The following FKBP9 variants were observed in gnomAD, a reference collection of about 807,000 sequenced individuals.
FKBP9 encodes peptidyl-prolyl cis-trans isomerase FKBP9.
A neutral mutation model predicts 55.6 loss-of-function variants in FKBP9; 27 were observed. That is an observed-to-expected ratio of 0.49 (90% confidence interval 0.36 to 0.67). FKBP9 has a LOEUF of 0.67. Among genes scored for constraint, FKBP9 ranks in the 30% least tolerant of loss-of-function variants. The pLI is 0.00. For missense variants in FKBP9, 539 were observed against 742.8 expected (o/e 0.73, Z 3.19); for synonymous variants, 267 against 296.5 (o/e 0.90, Z 1.02).
chr7:32,985,008 T>G (rs1223489612), intron 5 of FKBP9, among the ~76,000 whole-genome samples: 2 of 152,136 alleles, frequency 1.3e-5, no homozygotes, highest in Non-Finnish European at 2.9e-5. Flanking sequence ...GAGGGCATTC[T>G]TTTTCTTTTT....
intron 7 of FKBP9, among the ~76,000 whole-genome samples, chr7:32,996,648 TCCTTCCTTCCTTGCTCCCTCCCTC>T: frequency 6.8e-6 from 1 of 147,646 alleles, no homozygotes; most frequent in African/African-American, 2.5e-5. Context: ...CTTCCTTCCT[TCCTTCCTTCCTTGCTCCCTCCCTC>T]CCTCCCTTCC....
At position 32,975,459 on chromosome 7, in the gene FKBP9, G is replaced by T. The variant is rs191793210; in HGVS notation, c.557+88G>T. 4 of 1,055,822 alleles carry T rather than the reference G, an allele frequency of 3.8e-6. No homozygotes were observed. The East Asian group carries it at 7.4e-5, about 19-fold the overall frequency. 65.4% of individuals were successfully genotyped at this position (1,055,822 alleles called of 1,614,324 possible). A position where few individuals can be genotyped will look rare whatever the true frequency, so the allele number is the denominator to read the frequency against. The stretch of plus-strand genomic sequence containing the variant: ...CTTACTTGCTTTTTATGCTGATGGG[G>T]ATACCAGAATAAGGACTCTTCTCAA... On this transcript the variant is annotated intron_variant, in intron 3 of 9. Transcript: ENST00000242209.
chr7:33,003,615 G>A (rs1784973224), intron 9 of FKBP9, among the ~76,000 whole-genome samples: 2 of 152,118 alleles, frequency 1.3e-5, no homozygotes, highest in South Asian at 2.1e-4. Context: ...AATGTCTTCC[G>A]TATCGCGGAA....
At chr7:32,994,056 AT>A (rs752142774) in intron 6 of FKBP9, among the ~76,000 whole-genome samples, 10 of 152,222 alleles carry the variant, frequency 6.6e-5, no homozygotes, top group Admixed American at 2.0e-4. Flanking sequence ...CAAGAAAGAT[AT>A]TTTTATTTAA....
At chr7:32,993,940 C>CTG (rs1157280671) in intron 6 of FKBP9, among the ~76,000 whole-genome samples, 1 of 152,150 alleles carries the variant, frequency 6.6e-6, no homozygotes, top group East Asian at 1.9e-4. Flanking sequence ...AACACTTAGG[C>CTG]TGTTTCTACT....
chr7:32,964,981 C>T (rs1423424120), intron 1 of FKBP9, among the ~76,000 whole-genome samples: 2 of 152,346 alleles, frequency 1.3e-5, no homozygotes, highest in Non-Finnish European at 1.5e-5. Flanking sequence ...ACAGTCCAAA[C>T]GTCAAGCAGG....
intron 4 of FKBP9, among the ~76,000 whole-genome samples, chr7:32,979,915 T>C (rs1784441692): frequency 6.6e-6 from 1 of 151,566 alleles, no homozygotes; most frequent in Non-Finnish European, 1.5e-5. Flanking sequence ...ACTTTTTGCC[T>C]CTAAAAAATT....
intron 6 of FKBP9, among the ~76,000 whole-genome samples, chr7:32,994,375 C>T (rs975916894): frequency 7.2e-5 from 11 of 152,226 alleles, no homozygotes; most frequent in Non-Finnish European, 1.3e-4. Flanking sequence ...GCTTCTTTCA[C>T]TTAGCATAAT....
At chr7:32,959,693 T>C (rs867932940) in intron 1 of FKBP9, among the ~76,000 whole-genome samples, 1 of 152,250 alleles carries the variant, frequency 6.6e-6, no homozygotes, top group African/African-American at 2.4e-5. Flanking sequence ...CTGGACATTT[T>C]GTATAAATGG....
At chr7:32,973,227 C>G (rs1346312277) in intron 1 of FKBP9, among the ~76,000 whole-genome samples, 5 of 152,048 alleles carry the variant, frequency 3.3e-5, no homozygotes. Flanking sequence ...TAGGCAAACC[C>G]CTGTTGATTG....
At chr7:32,972,429 G>A (rs1250289477) in intron 1 of FKBP9, among the ~76,000 whole-genome samples, 3 of 152,110 alleles carry the variant, frequency 2.0e-5, no homozygotes, top group African/African-American at 7.2e-5. Context: ...TCTGTTGCTC[G>A]CCCAAACTGT....
At chr7:32,999,491 T>C (rs1356299692) in intron 7 of FKBP9, among the ~76,000 whole-genome samples, 5 of 151,218 alleles carry the variant, frequency 3.3e-5, no homozygotes, top group Non-Finnish European at 5.9e-5. Context: ...TTTTTTTTTT[T>C]AGTCTTAGAC....
chr7:33,006,584 G>A lies in FKBP9; in HGVS notation c.*1233G>A, dbSNP rs1159168440. ...TTTGTCCCAATAGATGAGCTGCTGA[G>A]CATCAACAAGGTGACATTTTTCTGC... On this transcript the variant is annotated 3_prime_UTR_variant, in exon 10 of 10. Transcript: ENST00000242209. 4.8e-6 allele frequency: 1 copy of A among 210,288 alleles called. No homozygotes were observed. Among genetic ancestry groups the A allele is most frequent in the African/African-American group, 2.3e-5 (1 of 43,978 alleles). 13.0% of individuals were successfully genotyped at this position (210,288 alleles called of 1,614,324 possible).
At chr7:32,989,401 A>AT (rs1457840695) in intron 6 of FKBP9, among the ~76,000 whole-genome samples, 1 of 151,882 alleles carries the variant, frequency 6.6e-6, no homozygotes, top group South Asian at 2.1e-4. Flanking sequence ...AGAAATAAAG[A>AT]TTTTTTTTCC....
chr7:33,003,685 G>A (rs193103452), intron 9 of FKBP9, among the ~76,000 whole-genome samples: 8 of 152,130 alleles, frequency 5.3e-5, no homozygotes, highest in African/African-American at 1.4e-4. Context: ...CCTACAGGAC[G>A]CATCTTTCTC....
chr7:32,961,483 A>T (rs1014839805), intron 1 of FKBP9, among the ~76,000 whole-genome samples: 1 of 152,208 alleles, frequency 6.6e-6, no homozygotes, highest in Non-Finnish European at 1.5e-5. Flanking sequence ...CCACACTTTG[A>T]GAACCACTGC....
At chr7:32,966,388 G>A (rs1583842005) in intron 1 of FKBP9, among the ~76,000 whole-genome samples, 1 of 152,092 alleles carries the variant, frequency 6.6e-6, no homozygotes, top group Non-Finnish European at 1.5e-5. Flanking sequence ...CCCCCCTGGG[G>A]CAGTGATGGA....
Position 32,965,841 on chromosome 7 carries a change from ATATG to A in FKBP9, c.221+8049_221+8052del, listed in dbSNP as rs1453638223. ...TATATATATATATATATATATATATATATGTGTGTACAGATATATATATATACAT... is the reference window on the plus strand; with the variant it reads ...TATATATATATATATATATATATATATGTGTACAGATATATATATATACAT... On this transcript the variant is annotated intron_variant, in intron 1 of 9. Coordinates refer to ENST00000242209, the MANE Select transcript of FKBP9 (RefSeq NM_007270.5). Among the ~76,000 whole-genome samples the A allele has an allele frequency of 5.7e-3, 242 of 42,170 alleles. 4 individuals carry two copies. Among genetic ancestry groups the A allele is most frequent in the African/African-American group, 9.1e-3 (92 of 10,120 alleles). The allele number at this position is 42,170 out of a possible 152,430, so 27.7% of individuals were successfully genotyped here.
At chr7:32,965,284 C>T (rs1784110344) in intron 1 of FKBP9, among the ~76,000 whole-genome samples, 1 of 151,970 alleles carries the variant, frequency 6.6e-6, no homozygotes, top group African/African-American at 2.4e-5. Context: ...GTGTATGCTA[C>T]CACACCTGGC....
Sources: gnomAD v4.1 joint callset for allele counts (sites outside exome capture counted in the v4.1 genomes callset) on GRCh38, gnomAD v4.1.1 for gene constraint, MANE v1.5 for transcripts, NCBI Gene and HGNC (gene_info 2026-07-23, HGNC 2026-07-21) for gene names.